XPNPEP2: variants seen among roughly 807,000 people sequenced by gnomAD.
The protein encoded by XPNPEP2 is X-prolyl aminopeptidase 2.
In XPNPEP2, 64 loss-of-function variants were observed where a neutral mutation model predicts 59.8. The observed-to-expected ratio is 1.07, with a 90% CI of 0.87 to 1.32. XPNPEP2 has a LOEUF of 1.32. Among genes scored for constraint, XPNPEP2 ranks in the 40% most tolerant of loss-of-function variants. The probability of loss-of-function intolerance (pLI) is 0.00; values close to 1 mark genes in which losing one functional copy is unlikely to be tolerated. For synonymous variants in XPNPEP2, 235 were observed against 210.0 expected, an observed-to-expected ratio of 1.12 and a Z score of -1.03; for missense variants, 575 against 546.8, an observed-to-expected ratio of 1.05 and a Z score of -0.51.
chrX:129,767,893 AC>A (rs1569478071), intron 20 of XPNPEP2, among the ~76,000 whole-genome samples: 1 of 110,855 alleles, frequency 9.0e-6, no homozygotes, highest in African/African-American at 3.3e-5. Context: ...AGCCTGCCCA[AC>A]CCCAGGTAGT....
At chrX:129,760,487 T>C in intron 15 of XPNPEP2, 25 bp from the exon 16 acceptor site, 1 of 1,204,303 alleles carries the variant, frequency 8.3e-7, no homozygotes, top group Non-Finnish European at 1.1e-6. Context: ...CCGTCCTCCA[T>C]ATCACCTCTT....
intron 1 of XPNPEP2, among the ~76,000 whole-genome samples, chrX:129,740,997 C>A (rs1359092643): frequency 4.6e-5 from 5 of 108,889 alleles, no homozygotes; most frequent in African/African-American, 1.7e-4. Flanking sequence ...CACTCAGGGC[C>A]CCATTACCAT....
rs1300082537 is a variant in XPNPEP2, at chrX:129,750,541, CCTT to C, written c.714_716del (p.Leu239del). ...AGCATCAAAAGGTCCCGACTGCCGT[CCTT>C]CTGTCGGCGCTTGAGGAGACGGCCT... On this transcript the variant is annotated inframe_deletion, in exon 8 of 21. Transcript: ENST00000371106. 8.4e-7 allele frequency: 1 copy of C among 1,191,276 alleles called. No individual in the cohort carries two copies. The highest frequency in any genetic ancestry group is 1.1e-6 in the Non-Finnish European group (1 of 885,555).
In XPNPEP2 at chrX:129,741,245, C is replaced by T. The variant is rs957799595; in HGVS notation, c.50-863C>T. Among the ~76,000 whole-genome samples the T allele has an allele frequency of 2.7e-5, 3 of 110,904 alleles. No individual in the cohort carries two copies. The East Asian group carries it at 8.7e-4, about 32-fold the overall frequency. ...ACTAGAAACTAGATCTCCATATATTCTGTCCCTTCTGTGGCATCACCTTTT... is the reference window on the plus strand; with the variant it reads ...ACTAGAAACTAGATCTCCATATATTTTGTCCCTTCTGTGGCATCACCTTTT... On this transcript the variant is annotated intron_variant, in intron 1 of 20. Coordinates refer to ENST00000371106, the MANE Select transcript of XPNPEP2 (RefSeq NM_003399.6).
chrX:129,761,022 C>A, intron 16 of XPNPEP2, 150 bp from the exon 17 acceptor site: 1 of 503,083 alleles, frequency 2.0e-6, no homozygotes, highest in Non-Finnish European at 3.3e-6. Flanking sequence ...CTCCTCCATC[C>A]CAACCCAACA....
Position 129,757,571 on chromosome X carries a change from C to T in XPNPEP2, c.1367+1016C>T, listed in dbSNP as rs781768226. Among the ~76,000 whole-genome samples the T allele has an allele frequency of 8.4e-5, 9 of 107,556 alleles. No homozygotes were observed. The East Asian group carries it at 1.8e-3, about 21-fold the overall frequency. The allele number at this position is 107,556 out of a possible 115,157, so 93.4% of individuals were successfully genotyped here. ...CTGTAATCCCAGCACTTTGGGAGGCCGAGGCGGGCAGATCACCTGAGGTCA... is the reference window on the plus strand; with the variant it reads ...CTGTAATCCCAGCACTTTGGGAGGCTGAGGCGGGCAGATCACCTGAGGTCA... On this transcript the variant is annotated intron_variant, in intron 14 of 20. Transcript: ENST00000371106.
chrX:129,759,264 C>T, intron 15 of XPNPEP2, 24 bp downstream of exon 15: 2 of 1,209,567 alleles, frequency 1.7e-6, no homozygotes, highest in Non-Finnish European at 2.2e-6. Flanking sequence ...CAGATTTCCC[C>T]TCACCACCTT....
chrX:129,750,236 G>A lies in XPNPEP2; in HGVS notation c.638-232G>A, dbSNP rs145107226. 4.4e-4 allele frequency among the ~76,000 whole-genome samples: 50 copies of A among 112,711 alleles called. 1 individual carries two copies. The highest frequency in any genetic ancestry group is 1.6e-3 in the African/African-American group (49 of 31,049). On this transcript the variant is annotated intron_variant, in intron 7 of 20. Transcript: ENST00000371106. ...TGCAAAATGGAACACAGAGGGGTTA[G>A]GTAATTTGCCCAAGGTCACCCATCC...
In XPNPEP2 at chrX:129,768,319, C is replaced by A. The variant is rs1166476796; in HGVS notation, c.1859C>A (p.Thr620Asn). The A allele has an allele frequency of 1.7e-6, 2 of 1,193,742 alleles. No homozygotes were observed. The highest frequency in any genetic ancestry group is 2.3e-5 in the Admixed American group (1 of 42,569). ...HLQYLNRYYQ[T>N]IREKVGPELQ... ...CAGTACCTGAATCGCTACTACCAGA[C>A]CATCCGGGAGAAGGTGGGTCCAGAG... The change falls in exon 21 of 21, where the codon ACC (threonine) becomes AAC (asparagine). Residue 620 changes from threonine (T) to asparagine (N), a missense_variant. Thr to Asn is a moderately conservative substitution (Grantham distance 65, BLOSUM62 0). Transcript: ENST00000371106.
intron 8 of XPNPEP2, among the ~76,000 whole-genome samples, 188 bp from the exon 9 acceptor site, chrX:129,751,557 A>G (rs1235909219): frequency 3.3e-5 from 2 of 61,221 alleles, no homozygotes; most frequent in Non-Finnish European, 6.0e-5. Flanking sequence ...AAAGAAAGAA[A>G]GAAAGAAAGA....
chrX:129,739,502 T>C (rs1926135120), intron 1 of XPNPEP2, among the ~76,000 whole-genome samples: 2 of 111,900 alleles, frequency 1.8e-5, no homozygotes, highest in African/African-American at 6.5e-5. Context: ...GTTAAAACGG[T>C]AAGGAAAACT....
chrX:129,746,285 C>A lies in XPNPEP2; in HGVS notation c.348C>A (p.Arg116=). Residue 116 remains arginine, a synonymous_variant, in exon 5 of 21, where the codon CGC becomes CGA. Transcript: ENST00000371106. ...MKKAAVWTDS[R]YWTQAERQMD... is the part of the protein sequence containing the mutation. Reference sequence around the variant, plus strand: ...AAGCAGCTGTCTGGACCGACAGTCGCTACTGGACTCAGGCTGAGCGGCAGA... The same window carrying A: ...AAGCAGCTGTCTGGACCGACAGTCGATACTGGACTCAGGCTGAGCGGCAGA... The A allele has an allele frequency of 8.3e-7, 1 of 1,211,433 alleles. No individual in the cohort carries two copies. Among genetic ancestry groups the A allele is most frequent in the Non-Finnish European group, 1.1e-6 (1 of 895,524 alleles).
chrX:129,749,804 GCAGT>G, intron 7 of XPNPEP2, among the ~76,000 whole-genome samples: 1 of 113,086 alleles, frequency 8.8e-6, no homozygotes, highest in Middle Eastern at 4.6e-3. Flanking sequence ...CGTGGGCCAT[GCAGT>G]CAGACAGACC....
At chrX:129,760,799 T>C (rs956879174) in intron 16 of XPNPEP2, among the ~76,000 whole-genome samples, 1 of 112,174 alleles carries the variant, frequency 8.9e-6, no homozygotes, top group African/African-American at 3.2e-5. Flanking sequence ...TGCCTCTTAA[T>C]CTAACACTGT....
intron 4 of XPNPEP2, among the ~76,000 whole-genome samples, chrX:129,746,002 C>G (rs1926288396): frequency 9.0e-6 from 1 of 111,495 alleles, no homozygotes; most frequent in Non-Finnish European, 1.9e-5. Flanking sequence ...GCTGAAAGTC[C>G]ACAAGCAGCC....
intron 10 of XPNPEP2, 76 bp from the exon 11 acceptor site, chrX:129,753,083 T>C: frequency 1.1e-6 from 1 of 874,539 alleles, no homozygotes; most frequent in East Asian, 3.1e-5. Context: ...AACACCCCTG[T>C]GCCATGGAGA....
chrX:129,743,941 G>A lies in XPNPEP2; in HGVS notation c.124-20G>A. 8.4e-7 allele frequency: 1 copy of A among 1,187,214 alleles called. No individual in the cohort carries two copies. Among genetic ancestry groups the A allele is most frequent in the Non-Finnish European group, 1.1e-6 (1 of 873,561 alleles). On this transcript the variant is annotated intron_variant, in intron 2 of 20. Transcript: ENST00000371106. Reference sequence around the variant, plus strand: ...TGTATCTGTTTGTTTGTGTCTCAATGTCTTCTTGTCATCTGTCAGTACCTT... The same window carrying A: ...TGTATCTGTTTGTTTGTGTCTCAATATCTTCTTGTCATCTGTCAGTACCTT...
chrX:129,753,042 G>T, intron 10 of XPNPEP2, 117 bp from the exon 11 acceptor site: 1 of 563,571 alleles, frequency 1.8e-6, no homozygotes, highest in East Asian at 3.3e-5. Flanking sequence ...CAAATCTCAC[G>T]TCTGCTGGGT....
At chrX:129,747,139 TG>T (rs1926313593) in intron 6 of XPNPEP2, among the ~76,000 whole-genome samples, 1 of 111,853 alleles carries the variant, frequency 8.9e-6, no homozygotes, top group Non-Finnish European at 1.9e-5. Context: ...CCCGGAGTTC[TG>T]GGGCCTCAGA....
Sources: gnomAD v4.1 joint callset for allele counts (sites outside exome capture counted in the v4.1 genomes callset) on GRCh38, gnomAD v4.1.1 for gene constraint, MANE v1.5 for transcripts, NCBI Gene and HGNC (gene_info 2026-07-23, HGNC 2026-07-21) for gene names.